BRF1: variants seen among roughly 807,000 people sequenced by gnomAD.
BRF1 encodes the protein BRF1 general transcription factor IIIB subunit, also known as transcription factor IIIB 90 kDa subunit.
A neutral mutation model predicts 81.7 loss-of-function variants in BRF1; 59 were observed. The observed-to-expected ratio is 0.72, with a 90% CI of 0.59 to 0.90. The LOEUF (loss-of-function observed/expected upper bound fraction) is 0.90. Ranked by LOEUF, BRF1 falls within the 40% of genes least tolerant of loss-of-function variation. The pLI is 0.00. For synonymous variants in BRF1, 491 were observed against 395.6 expected, an observed-to-expected ratio of 1.24 and a Z score of -2.86; for missense variants, 1,050 against 936.3, an observed-to-expected ratio of 1.12 and a Z score of -1.58.
chr14:105,300,467 C>T lies in BRF1; in HGVS notation c.163G>A (p.Gly55Ser). ...TCACCGTCCAGGGACACGAACTGGC[C>T]CACGGCCGAGGAGCCGCCGCCGCTG... ...ESSGGGSSAV[G>S]QFVSLDGAGK... is the part of the protein sequence containing the mutation. Residue 55 changes from glycine to serine, a missense_variant, in exon 1 of 18, where the codon GGC (glycine) becomes AGC (serine). By Grantham distance (56) the Gly-to-Ser change is moderately conservative. This residue lies in a region of BRF1 where 1,043 missense variants were observed against 915.4 expected (regional missense o/e 1.14). Coordinates refer to ENST00000547530, the MANE Select transcript of BRF1 (RefSeq NM_001519.4). 6.5e-7 allele frequency: 1 copy of T among 1,532,790 alleles called. No individual in the cohort carries two copies. The highest frequency in any genetic ancestry group is 1.2e-5 in the South Asian group (1 of 82,852). The allele number at this position is 1,532,790 out of a possible 1,614,324, so 94.9% of individuals were successfully genotyped here. A position where few individuals can be genotyped will look rare whatever the true frequency, so the allele number is the denominator to read the frequency against.
chr14:105,255,506 G>A (rs587619518), intron 4 of BRF1, among the ~76,000 whole-genome samples: 19 of 152,312 alleles, frequency 1.2e-4, no homozygotes, highest in African/African-American at 4.3e-4. Flanking sequence ...GAACCCCTGT[G>A]GGCACCTGGA....
chr14:105,305,173 G>A (rs989744812), upstream of BRF1, among the ~76,000 whole-genome samples: 1 of 152,168 alleles, frequency 6.6e-6, no homozygotes, highest in African/African-American at 2.4e-5. Flanking sequence ...GGCTGAGGAG[G>A]GAGGATTGCT....
At chr14:105,298,106 G>T (rs1018277798) in intron 1 of BRF1, among the ~76,000 whole-genome samples, 1 of 152,218 alleles carries the variant, frequency 6.6e-6, no homozygotes, top group Non-Finnish European at 1.5e-5. Context: ...CAGATTTTTC[G>T]ATTAGGGATG....
chr14:105,243,285 C>CAAAAA (rs3083977), intron 5 of BRF1, among the ~76,000 whole-genome samples: 51 of 127,756 alleles, frequency 4.0e-4, no homozygotes, highest in Non-Finnish European at 8.0e-4. Context: ...TACTAAAATA[C>CAAAAA]AAAAAAAAAA....
At chr14:105,229,301 C>G (rs1041502850) in intron 6 of BRF1, among the ~76,000 whole-genome samples, 6 of 152,220 alleles carry the variant, frequency 3.9e-5, no homozygotes, top group African/African-American at 1.4e-4. Context: ...CAGCTGGCAG[C>G]TGACACAGGT....
At chr14:105,310,640 C>T (rs1156814411) in intron 1 of BRF1, among the ~76,000 whole-genome samples, 3 of 151,854 alleles carry the variant, frequency 2.0e-5, no homozygotes, top group Non-Finnish European at 4.4e-5. Flanking sequence ...TCCCTTTGCA[C>T]GTTTGGTTTT....
At chr14:105,226,887 T>C (rs796403352) in intron 7 of BRF1, 127 bp from the exon 8 acceptor site, 14 of 1,423,274 alleles carry the variant, frequency 9.8e-6, no homozygotes, top group South Asian at 9.6e-5. Context: ...GGTGGGTGGA[T>C]TGCTTGAGTC....
chr14:105,248,574 CGGG>C, intron 5 of BRF1: 1 of 82,614 alleles, frequency 1.2e-5, no homozygotes, highest in Non-Finnish European at 1.4e-5. Context: ...CGGGCTCGGG[CGGG>C]CGGGCGGGCG....
intron 1 of BRF1, among the ~76,000 whole-genome samples, chr14:105,311,250 G>T (rs587624102): frequency 6.6e-6 from 1 of 151,698 alleles, no homozygotes; most frequent in Non-Finnish European, 1.5e-5. Context: ...CACTGTGCCC[G>T]GCCTTTTTAT....
At position 105,315,041 on chromosome 14, in the gene BRF1, C is replaced by A; in HGVS notation, c.-162+281G>T. 8.5e-7 allele frequency: 1 copy of A among 1,176,624 alleles called. No homozygotes were observed. Among genetic ancestry groups the A allele is most frequent in the Non-Finnish European group, 1.1e-6 (1 of 942,190 alleles). 72.9% of individuals were successfully genotyped at this position (1,176,624 alleles called of 1,614,324 possible). On this transcript the variant is annotated intron_variant, in intron 1 of 17. Transcript: ENST00000327359. This position sits in a 1 kb window ranked among gnomAD's most constrained non-coding sequence, Gnocchi z 4.4. ...CCAGCCCCAGCTGCGTGCCCAGGTA[C>A]GCGCCGCCCGCCGCGCTTTGTTCCC...
intron 5 of BRF1, chr14:105,249,648 A>G: frequency 6.2e-7 from 1 of 1,611,800 alleles, no homozygotes; most frequent in South Asian, 1.1e-5. Flanking sequence ...AGGTACATGT[A>G]CAGTGATGAG....
chr14:105,249,609 C>G (rs1595383505), intron 5 of BRF1: 1 of 1,590,452 alleles, frequency 6.3e-7, no homozygotes, highest in Non-Finnish European at 8.6e-7. Flanking sequence ...GCTTGGGAGC[C>G]AGCCCCTGAC....
intron 2 of BRF1, among the ~76,000 whole-genome samples, chr14:105,280,673 T>C (rs1296961074): frequency 6.6e-6 from 1 of 151,982 alleles, no homozygotes; most frequent in Non-Finnish European, 1.5e-5. Context: ...TGCATGATCC[T>C]GAGCCCGGCT....
chr14:105,311,635 G>C (rs2058350892), intron 1 of BRF1, among the ~76,000 whole-genome samples: 1 of 152,166 alleles, frequency 6.6e-6, no homozygotes, highest in South Asian at 2.1e-4. Context: ...ACCTAACCCT[G>C]TTCTACTCTA....
upstream of BRF1, among the ~76,000 whole-genome samples, chr14:105,304,794 A>T (rs2058136932): frequency 6.6e-6 from 1 of 152,062 alleles, no homozygotes; most frequent in South Asian, 2.1e-4. Context: ...GGCAGCAGGG[A>T]GAGAGAGAGC....
At chr14:105,228,962 C>G in intron 6 of BRF1, 49 bp from the exon 7 acceptor site, 3 of 1,568,520 alleles carry the variant, frequency 1.9e-6, no homozygotes, top group African/African-American at 1.3e-5. Flanking sequence ...GGAACCAGGG[C>G]AACATCTGTG....
At chr14:105,250,483 G>C in intron 5 of BRF1, 1 of 1,614,036 alleles carries the variant, frequency 6.2e-7, no homozygotes, top group South Asian at 1.1e-5. Context: ...ACCCGGTCCA[G>C]GTTGAACAAG....
chr14:105,249,185 A>G, intron 5 of BRF1: 6 of 1,588,432 alleles, frequency 3.8e-6, no homozygotes, highest in South Asian at 2.2e-5. Flanking sequence ...CAACGAGCTC[A>G]TGGCCGACGT....
At chr14:105,213,854 C>T (rs979892968) in intron 15 of BRF1, among the ~76,000 whole-genome samples, 2 of 152,164 alleles carry the variant, frequency 1.3e-5, no homozygotes, top group African/African-American at 4.8e-5. Flanking sequence ...CTGGGGTCTG[C>T]GGGCTAGCTG....
Sources: allele counts gnomAD v4.1 joint callset (sites outside exome capture counted in the v4.1 genomes callset), GRCh38; gene constraint gnomAD v4.1.1; regional missense constraint gnomAD v4.1.1; non-coding constraint Gnocchi (gnomAD v3.1); transcripts MANE v1.5; gene names NCBI Gene and HGNC (gene_info 2026-07-23, HGNC 2026-07-21).